Variants in PIK3C2G observed in about 807,000 individuals in gnomAD.
The protein encoded by PIK3C2G is phosphatidylinositol 3-kinase C2 domain-containing subunit gamma.
In PIK3C2G, 168 loss-of-function variants were observed where a neutral mutation model predicts 181.1. The ratio of observed to expected loss-of-function variants is 0.93; its 90% CI spans 0.82 to 1.05. The LOEUF is 1.05. PIK3C2G is among the 50% of genes least tolerant of loss of function. The probability of loss-of-function intolerance (pLI) is 0.00; values close to 1 mark genes in which losing one functional copy is unlikely to be tolerated. For synonymous variants in PIK3C2G, 573 were observed against 592.2 expected, an observed-to-expected ratio of 0.97 and a Z score of 0.47; for missense variants, 1,869 against 1,732.8, an observed-to-expected ratio of 1.08 and a Z score of -1.40.
At chr12:18,272,115 T>C (rs1948768816) in intron 1 of PIK3C2G, among the ~76,000 whole-genome samples, 1 of 152,226 alleles carries the variant, frequency 6.6e-6, no homozygotes, top group South Asian at 2.1e-4. Context: ...TATTCCTAAA[T>C]TGCATGGCTT....
At chr12:18,298,259 T>G (rs112570152) in intron 5 of PIK3C2G, among the ~76,000 whole-genome samples, 2,794 of 152,130 alleles carry the variant, frequency 0.018, 77 homozygotes, top group African/African-American at 0.063. Flanking sequence ...TTGTTTTGAT[T>G]TGCATTGCTC....
chr12:18,722,803 A>G, the PIK3C2G span, among the ~76,000 whole-genome samples: 2 of 152,074 alleles, frequency 1.3e-5, no homozygotes, highest in East Asian at 3.8e-4. Context: ...ATATATATTT[A>G]CGAAATGTTG....
intron 32 of PIK3C2G, among the ~76,000 whole-genome samples, chr12:18,644,396 G>T (rs762116399): frequency 4.6e-5 from 7 of 152,036 alleles, no homozygotes; most frequent in Non-Finnish European, 1.0e-4. Context: ...TAGAAATACA[G>T]AATTTCTACC....
chr12:18,684,927 C>G, the PIK3C2G span, among the ~76,000 whole-genome samples: 1 of 151,932 alleles, frequency 6.6e-6, no homozygotes, highest in Non-Finnish European at 1.5e-5. Flanking sequence ...CTCTTACTAG[C>G]AATCTCCTGC....
chr12:18,664,929 T>C, the PIK3C2G span, among the ~76,000 whole-genome samples: 2 of 146,420 alleles, frequency 1.4e-5, no homozygotes, highest in African/African-American at 5.1e-5. Context: ...ATACTGCATG[T>C]TCTCACTCAT....
chr12:18,709,033 T>C, the PIK3C2G span, among the ~76,000 whole-genome samples: 6 of 152,144 alleles, frequency 3.9e-5, no homozygotes, highest in Non-Finnish European at 7.4e-5. Context: ...GTCCCAGTTA[T>C]TTATTTTTGC....
At chr12:18,630,591 A>C (rs1949308735) in intron 31 of PIK3C2G, among the ~76,000 whole-genome samples, 1 of 152,136 alleles carries the variant, frequency 6.6e-6, no homozygotes, top group African/African-American at 2.4e-5. Flanking sequence ...GAGTCGGGGA[A>C]GAAGTGGAAC....
chr12:18,320,266 G>A (rs1245605313), intron 6 of PIK3C2G, among the ~76,000 whole-genome samples: 1 of 152,146 alleles, frequency 6.6e-6, no homozygotes, highest in Non-Finnish European at 1.5e-5. Flanking sequence ...CTGCATACTT[G>A]CAAAGGGTTT....
At chr12:18,669,921 G>A in the PIK3C2G span, among the ~76,000 whole-genome samples, 1 of 151,986 alleles carries the variant, frequency 6.6e-6, no homozygotes, top group Non-Finnish European at 1.5e-5. Flanking sequence ...CGCCCACCTG[G>A]CCTCCCAAAG....
chr12:18,309,723 A>G (rs1489441714), intron 5 of PIK3C2G, among the ~76,000 whole-genome samples: 6 of 151,968 alleles, frequency 3.9e-5, no homozygotes, highest in African/African-American at 1.4e-4. Flanking sequence ...TTACCATTTT[A>G]TCAAGGATAT....
At chr12:18,530,573 A>AT (rs1328198755) in intron 24 of PIK3C2G, among the ~76,000 whole-genome samples, 1 of 152,092 alleles carries the variant, frequency 6.6e-6, no homozygotes, top group Admixed American at 6.6e-5. Context: ...TCATTACTTG[A>AT]TAAGATCAAC....
At chr12:18,573,991 T>G (rs10770371) in intron 29 of PIK3C2G, among the ~76,000 whole-genome samples, 50,854 of 152,022 alleles carry the variant, frequency 0.33, 9,222 homozygotes, top group East Asian at 0.71. Flanking sequence ...GCTTTTAAGA[T>G]CACACAAATA....
chr12:18,589,101 G>A (rs1295475521), intron 29 of PIK3C2G, among the ~76,000 whole-genome samples: 1 of 151,876 alleles, frequency 6.6e-6, no homozygotes, highest in Non-Finnish European at 1.5e-5. Flanking sequence ...GAGGGTGGAC[G>A]ATAGGAGGAG....
At chr12:18,464,876 A>T (rs918342558) in intron 18 of PIK3C2G, among the ~76,000 whole-genome samples, 1 of 151,856 alleles carries the variant, frequency 6.6e-6, no homozygotes, top group African/African-American at 2.4e-5. Context: ...GTGAGTACTG[A>T]TATTTTTGGA....
At chr12:18,530,789 G>A (rs571088383) in intron 24 of PIK3C2G, among the ~76,000 whole-genome samples, 32 of 152,148 alleles carry the variant, frequency 2.1e-4, no homozygotes, top group African/African-American at 7.0e-4. Context: ...GCTCCACCAC[G>A]TGAAGATGGT....
intron 24 of PIK3C2G, among the ~76,000 whole-genome samples, chr12:18,516,665 C>A (rs2136163693): frequency 6.6e-6 from 1 of 151,918 alleles, no homozygotes; most frequent in East Asian, 1.9e-4. Context: ...ACTCTATTTT[C>A]TTTTTTCCTT....
At chr12:18,511,515 T>C (rs567192347) in intron 24 of PIK3C2G, among the ~76,000 whole-genome samples, 21 of 152,094 alleles carry the variant, frequency 1.4e-4, no homozygotes, top group African/African-American at 4.6e-4. Context: ...AAATCCATTC[T>C]AACAGATGTG....
chr12:18,615,175 GTCCTCA>G (rs1948536670), intron 31 of PIK3C2G, among the ~76,000 whole-genome samples: 1 of 151,604 alleles, frequency 6.6e-6, no homozygotes, highest in Non-Finnish European at 1.5e-5. Flanking sequence ...ATTCCTTTGT[GTCCTCA>G]TAGCTTAGCT....
chr12:18,406,419 T>C (rs2135594416), intron 16 of PIK3C2G, among the ~76,000 whole-genome samples: 1 of 152,278 alleles, frequency 6.6e-6, no homozygotes, highest in Middle Eastern at 3.4e-3. Context: ...CTGGGTCGTA[T>C]TTTAATAGTG....
Sources: allele counts gnomAD v4.1 joint callset (sites outside exome capture counted in the v4.1 genomes callset), GRCh38; gene constraint gnomAD v4.1.1; transcripts MANE v1.5; gene names NCBI Gene and HGNC (gene_info 2026-07-23, HGNC 2026-07-21).